CNTNAP2: variants seen among roughly 807,000 people sequenced by gnomAD.
CNTNAP2 encodes contactin-associated protein-like 2.
A neutral mutation model predicts 155.2 loss-of-function variants in CNTNAP2; 98 were observed. That is an observed-to-expected ratio of 0.63 (90% CI 0.54 to 0.75). The LOEUF is 0.75. Among genes scored for constraint, CNTNAP2 ranks in the 30% least tolerant of loss-of-function variants. The probability of loss-of-function intolerance (pLI) is 0.00; values close to 1 mark genes in which losing one functional copy is unlikely to be tolerated. For synonymous variants in CNTNAP2, 651 were observed against 631.2 expected, an observed-to-expected ratio of 1.03 and a Z score of -0.47; for missense variants, 1,727 against 1,688.1, an observed-to-expected ratio of 1.02 and a Z score of -0.40.
chr7:147,803,623 G>A (rs1454715273), intron 13 of CNTNAP2, among the ~76,000 whole-genome samples: 3 of 152,180 alleles, frequency 2.0e-5, no homozygotes, highest in South Asian at 4.1e-4. Context: ...GATTTCCTCT[G>A]GGGCTGCGAA....
At chr7:147,824,382 T>C (rs1798412681) in intron 13 of CNTNAP2, among the ~76,000 whole-genome samples, 1 of 152,158 alleles carries the variant, frequency 6.6e-6, no homozygotes, top group Non-Finnish European at 1.5e-5. Context: ...CTAGTAAGCC[T>C]TGCTACCTCA....
chr7:147,546,652 G>A (rs1038444807), intron 11 of CNTNAP2, among the ~76,000 whole-genome samples: 1 of 152,178 alleles, frequency 6.6e-6, no homozygotes, highest in Non-Finnish European at 1.5e-5. Flanking sequence ...TGACCCCTTG[G>A]AGCTTGGGTG....
At chr7:146,913,535 G>A (rs1041029627) in intron 3 of CNTNAP2, among the ~76,000 whole-genome samples, 1 of 152,090 alleles carries the variant, frequency 6.6e-6, no homozygotes, top group African/African-American at 2.4e-5. Context: ...TGCCAGCATG[G>A]TTGAGTTTTT....
intron 12 of CNTNAP2, among the ~76,000 whole-genome samples, chr7:147,618,194 A>ATAGGT (rs1801329136): frequency 6.6e-6 from 1 of 152,220 alleles, no homozygotes; most frequent in South Asian, 2.1e-4. Flanking sequence ...AGAATATGTC[A>ATAGGT]TAGGTTACTA....
intron 1 of CNTNAP2, among the ~76,000 whole-genome samples, chr7:146,133,239 T>C (rs866645097): frequency 0.011 from 1,730 of 152,304 alleles, 19 homozygotes; most frequent in Middle Eastern, 0.017. Context: ...TCATGTCCTT[T>C]GCCCACTTTT....
chr7:148,281,638 C>A (rs946948731), intron 21 of CNTNAP2, among the ~76,000 whole-genome samples: 1 of 152,070 alleles, frequency 6.6e-6, no homozygotes, highest in African/African-American at 2.4e-5. Flanking sequence ...TCAAGGCTGG[C>A]TTCTCATTCT....
rs571756537 is a variant in CNTNAP2 at position 147,803,651 on chromosome 7, C to T, written c.2099-99914C>T. Among the ~76,000 whole-genome samples, 5 of 152,308 alleles carry T rather than the reference C, an allele frequency of 3.3e-5. No individual in the cohort carries two copies. In the East Asian group the frequency reaches 9.7e-4, roughly 30 times the overall value. ...GCTGCGAAAGGGAGTCTCCACCTGG[C>T]TCTGGAAGGCTATGTCTTGTTTCCA... On this transcript the variant is annotated intron_variant, in intron 13 of 23. Coordinates refer to ENST00000361727, the MANE Select transcript of CNTNAP2 (RefSeq NM_014141.6).
At chr7:147,477,062 C>T (rs1798336006) in intron 10 of CNTNAP2, among the ~76,000 whole-genome samples, 1 of 151,582 alleles carries the variant, frequency 6.6e-6, no homozygotes, top group South Asian at 2.1e-4. Context: ...AGAAAATTTA[C>T]TTTGGGGCAC....
chr7:147,578,347 T>A (rs1283440867), intron 12 of CNTNAP2, among the ~76,000 whole-genome samples: 1 of 152,154 alleles, frequency 6.6e-6, no homozygotes, highest in East Asian at 1.9e-4. Flanking sequence ...ATTTAGAATT[T>A]AGAGGGCTTG....
At chr7:146,208,558 A>T (rs527423773) in intron 1 of CNTNAP2, 1 of 152,220 alleles carries the variant, frequency 6.6e-6, no homozygotes, top group African/African-American at 2.4e-5. Context: ...CACTCATATA[A>T]TGAGATAATG....
chr7:147,628,362 A>T (rs1331238007), intron 12 of CNTNAP2, among the ~76,000 whole-genome samples: 3 of 152,204 alleles, frequency 2.0e-5, no homozygotes, highest in Non-Finnish European at 4.4e-5. Context: ...TCAGCCCAGG[A>T]TTTTGTATCC....
At chr7:146,605,204 G>A (rs1385788694) in intron 1 of CNTNAP2, among the ~76,000 whole-genome samples, 1 of 150,696 alleles carries the variant, frequency 6.6e-6, no homozygotes, top group African/African-American at 2.4e-5. Flanking sequence ...ACTATGTCTT[G>A]TTTCTTTATT....
rs550655131 is a variant in CNTNAP2 at position 146,557,401 on chromosome 7, CA to C, written c.98-216869del. Among the ~76,000 whole-genome samples the C allele has an allele frequency of 5.9e-5, 9 of 152,200 alleles. No individual in the cohort carries two copies. In the East Asian group the frequency reaches 1.7e-3, roughly 29 times the overall value. Reference sequence around the variant, plus strand: ...TTAGAACCAATGGAAGGAAACATAGCAGGTGAACCTCACTGTATTCTCTAAG... The same window carrying C: ...TTAGAACCAATGGAAGGAAACATAGCGGTGAACCTCACTGTATTCTCTAAG... On this transcript the variant is annotated intron_variant, in intron 1 of 23. Transcript: ENST00000361727.
Position 147,564,269 on chromosome 7 carries a change from A to AT in CNTNAP2, c.1897+2021dup, listed in dbSNP as rs71527823. Reference sequence around the variant, plus strand: ...ATGCAAGATGCTAGCTCCCAGTTTAATTTTTTTTTCTATTTTGAAAAAGAA... The same window carrying AT: ...ATGCAAGATGCTAGCTCCCAGTTTAATTTTTTTTTTCTATTTTGAAAAAGAA... On this transcript the variant is annotated intron_variant, in intron 12 of 23. Coordinates refer to ENST00000361727, the MANE Select transcript of CNTNAP2 (RefSeq NM_014141.6). Among the ~76,000 whole-genome samples the AT allele has an allele frequency of 1.9e-3, 261 of 140,202 alleles. 1 individual carries two copies. The highest frequency in any genetic ancestry group is 3.1e-3 in the South Asian group (13 of 4,202). 92.0% of individuals were successfully genotyped at this position (140,202 alleles called of 152,430 possible). A position where few individuals can be genotyped will look rare whatever the true frequency, so the allele number is the denominator to read the frequency against.
chr7:146,656,049 G>T (rs899845691), intron 1 of CNTNAP2, among the ~76,000 whole-genome samples: 2 of 152,194 alleles, frequency 1.3e-5, no homozygotes, highest in African/African-American at 4.8e-5. Flanking sequence ...CAGCAAACAG[G>T]CAGTGTTCAA....
intron 1 of CNTNAP2, among the ~76,000 whole-genome samples, chr7:146,286,964 CACAAATTCCCCCCAAA>C (rs998176655): frequency 1.3e-5 from 2 of 152,058 alleles, no homozygotes; most frequent in African/African-American, 4.8e-5. Flanking sequence ...AAGGAACAAA[CACAAATTCCCCCCAAA>C]ACAGGTGATG....
intron 2 of CNTNAP2, among the ~76,000 whole-genome samples, chr7:146,799,522 T>C (rs1014200827): frequency 6.6e-6 from 1 of 152,236 alleles, no homozygotes; most frequent in Non-Finnish European, 1.5e-5. Flanking sequence ...TTTTGTTTTA[T>C]ATATGACTTA....
At chr7:146,529,815 A>G (rs1797742546) in intron 1 of CNTNAP2, among the ~76,000 whole-genome samples, 1 of 152,030 alleles carries the variant, frequency 6.6e-6, no homozygotes. Flanking sequence ...AAATACAAAA[A>G]CTAGCTGGGC....
At chr7:148,193,689 A>T (rs772046130) in intron 18 of CNTNAP2, among the ~76,000 whole-genome samples, 1 of 150,994 alleles carries the variant, frequency 6.6e-6, no homozygotes, top group Non-Finnish European at 1.5e-5. Context: ...TATTCCACAC[A>T]CTCCATGGTC....
Sources: gnomAD v4.1 joint callset for allele counts (sites outside exome capture counted in the v4.1 genomes callset) on GRCh38, gnomAD v4.1.1 for gene constraint, MANE v1.5 for transcripts, NCBI Gene and HGNC (gene_info 2026-07-23, HGNC 2026-07-21) for gene names.